The following BTF3 variants were observed in gnomAD, a reference collection of about 807,000 sequenced individuals.
BTF3 encodes basic transcription factor 3.
In BTF3, 12 loss-of-function variants were observed where a neutral mutation model predicts 23.9. The ratio of observed to expected loss-of-function variants is 0.50; its 90% CI spans 0.32 to 0.81. The LOEUF is 0.81. Ranked by LOEUF, BTF3 falls within the 40% of genes least tolerant of loss-of-function variation. The pLI, the probability that BTF3 is intolerant of heterozygous loss-of-function variation, is 0.03. For synonymous variants in BTF3, 96 were observed against 94.8 expected (o/e 1.01, Z -0.07); for missense variants, 215 against 255.9 (o/e 0.84, Z 1.09).
chr5:73,498,903 G>A, intron 1 of BTF3, 104 bp downstream of exon 1: 1 of 1,453,588 alleles, frequency 6.9e-7, no homozygotes, highest in Non-Finnish European at 9.1e-7. Flanking sequence ...GTGGGGTAGA[G>A]CCTTTCATCC....
intron 5 of BTF3, 65 bp from the exon 6 acceptor site, chr5:73,505,127 T>G: frequency 7.5e-7 from 1 of 1,325,384 alleles, no homozygotes; most frequent in Non-Finnish European, 1.1e-6. Context: ...CATCCCCTTT[T>G]AATATCTGAT....
Position 73,505,325 on chromosome 5 carries a change from T to C in BTF3, c.*87T>C, listed in dbSNP as rs1746531314. 8.2e-7 allele frequency: 1 copy of C among 1,218,782 alleles called. No individual in the cohort carries two copies. Among genetic ancestry groups the C allele is most frequent in the Non-Finnish European group, 1.2e-6 (1 of 856,516 alleles). The allele number at this position is 1,218,782 out of a possible 1,614,324, so 75.5% of individuals were successfully genotyped here. ...TGACTGCTTTTTAAGAAATTTTTGT[T>C]TATGGATCTGATAAAATCTAGATCT... On this transcript the variant is annotated 3_prime_UTR_variant, in exon 6 of 6. Coordinates refer to ENST00000380591, the MANE Select transcript of BTF3 (RefSeq NM_001037637.2).
rs1262684176 is a variant in BTF3 at position 73,505,166 on chromosome 5, A to C, written c.575-26A>C. On this transcript the variant is annotated intron_variant, in intron 5 of 5. Transcript: ENST00000380591. ...TATTTGTAGATTTGGCTTTTTTAAGAATTTCTACTCTTTTCCTTTTCCTAG... is the reference window on the plus strand; with the variant it reads ...TATTTGTAGATTTGGCTTTTTTAAGCATTTCTACTCTTTTCCTTTTCCTAG... 1.9e-6 allele frequency: 3 copies of C among 1,599,694 alleles called. No individual in the cohort carries two copies. In the Admixed American group the frequency reaches 5.2e-5, roughly 28 times the overall value.
At position 73,503,078 on chromosome 5, in the gene BTF3, A is replaced by T; in HGVS notation, c.478A>T (p.Thr160Ser). The change falls in exon 4 of 6, where the codon ACT becomes TCT. Residue 160 changes from threonine (T) to serine (S), a missense_variant. Physicochemically the swap from Thr to Ser is moderately conservative, Grantham distance 58. Transcript: ENST00000380591. ...ILNQLGADSLTSLRRLAEALP... is the reference protein window; with the variant it reads ...ILNQLGADSLSSLRRLAEALP... ...AAACCAGCTTGGTGCGGATAGTCTG[A>T]CTAGTTTAAGGAGACTGGCCGAAGC... 1 of 1,614,064 alleles carries T rather than the reference A, an allele frequency of 6.2e-7. No individual in the cohort carries two copies. The highest frequency in any genetic ancestry group is 2.2e-5 in the East Asian group (1 of 44,880).
Position 73,505,544 on chromosome 5 carries a change from A to G in BTF3, c.*306A>G, listed in dbSNP as rs1002499828. The G allele has an allele frequency of 2.7e-5, 5 of 185,064 alleles. No homozygotes were observed. Among genetic ancestry groups the G allele is most frequent in the African/African-American group, 9.4e-5 (4 of 42,444 alleles). 11.5% of individuals were successfully genotyped at this position (185,064 alleles called of 1,614,324 possible). A position where few individuals can be genotyped will look rare whatever the true frequency, so the allele number is the denominator to read the frequency against. ...TTGACACCGATCTGTACACAGTAAA[A>G]AAAATTGCTTATAGAAAGCTAATCA... On this transcript the variant is annotated 3_prime_UTR_variant, in exon 6 of 6. Coordinates refer to ENST00000380591, the MANE Select transcript of BTF3 (RefSeq NM_001037637.2).
intron 1 of BTF3, 144 bp downstream of exon 1, chr5:73,498,943 G>T (rs1254236977): frequency 4.5e-6 from 6 of 1,334,168 alleles, no homozygotes; most frequent in Middle Eastern, 2.7e-4. Context: ...AGCTGTGGGG[G>T]AGTGGTGGGG....
At chr5:73,502,391 T>A in intron 2 of BTF3, 97 bp from the exon 3 acceptor site, 1 of 883,962 alleles carries the variant, frequency 1.1e-6, no homozygotes, top group South Asian at 1.9e-5. Flanking sequence ...CTTATACAGA[T>A]CCAAAGGTCA....
In BTF3 at chr5:73,498,631, G is replaced by C. The variant is rs1210768450; in HGVS notation, c.-37G>C. The C allele has an allele frequency of 6.8e-7, 1 of 1,461,392 alleles. No individual in the cohort carries two copies. Among genetic ancestry groups the C allele is most frequent in the Non-Finnish European group, 9.0e-7 (1 of 1,116,110 alleles). The allele number at this position is 1,461,392 out of a possible 1,614,324, so 90.5% of individuals were successfully genotyped here. A position where few individuals can be genotyped will look rare whatever the true frequency, so the allele number is the denominator to read the frequency against. On this transcript the variant is annotated 5_prime_UTR_variant, in exon 1 of 6. Coordinates refer to ENST00000380591, the MANE Select transcript of BTF3 (RefSeq NM_001037637.2). ...GGCGGGAAGTTCCCTGAAGGAGCGA[G>C]ACAGGGAGGGACAGGGCAGAGGAGG...
chr5:73,498,716 C>A lies in BTF3; in HGVS notation c.49C>A (p.Arg17=), dbSNP rs370228487. ...TCAGGCTGACTCTCGGGGGCGAGGTCGAGCCAGGGGCGGCTGCCCTGGGGG... is the reference window on the plus strand; with the variant it reads ...TCAGGCTGACTCTCGGGGGCGAGGTAGAGCCAGGGGCGGCTGCCCTGGGGG... ...PAQADSRGRG[R]ARGGCPGGEA... Residue 17 remains arginine (R), a synonymous_variant, in exon 1 of 6, where the codon CGA becomes AGA. Coordinates refer to ENST00000380591, the MANE Select transcript of BTF3 (RefSeq NM_001037637.2). 9 of 1,487,118 alleles carry A rather than the reference C, an allele frequency of 6.1e-6. No homozygotes were observed. In the Middle Eastern group the frequency reaches 9.4e-4, roughly 156 times the overall value. The allele number at this position is 1,487,118 out of a possible 1,614,324, so 92.1% of individuals were successfully genotyped here.
At chr5:73,503,453 T>C (rs766186289) in intron 4 of BTF3, among the ~76,000 whole-genome samples, 1 of 152,238 alleles carries the variant, frequency 6.6e-6, no homozygotes, top group Non-Finnish European at 1.5e-5. Flanking sequence ...GTGTAAATTA[T>C]GAAATTACTT....
At chr5:73,498,875 G>A (rs142006356) in intron 1 of BTF3, 76 bp downstream of exon 1, 31 of 1,480,788 alleles carry the variant, frequency 2.1e-5, no homozygotes, top group African/African-American at 4.3e-5. Flanking sequence ...GGCCAGGGGT[G>A]GGGGGTGCTG....
rs182313178 is a variant in BTF3 at position 73,504,968 on chromosome 5, T to G, written c.575-224T>G. 587 of 450,350 alleles carry G rather than the reference T, an allele frequency of 1.3e-3. 2 individuals are homozygous for G. The highest frequency in any genetic ancestry group is 0.012 in the African/African-American group (520 of 44,910). The allele number at this position is 450,350 out of a possible 1,614,324, so 27.9% of individuals were successfully genotyped here. On this transcript the variant is annotated intron_variant, in intron 5 of 5. Coordinates refer to ENST00000380591, the MANE Select transcript of BTF3 (RefSeq NM_001037637.2). The stretch of plus-strand genomic sequence containing the variant: ...GGAAAATTTTAACATTGTGTGTCAT[T>G]GTATTCTTTGGTTCTGCTCCCCCAC...
In BTF3 at chr5:73,505,538, A is replaced by C. The variant is rs1746536876; in HGVS notation, c.*300A>C. 1 of 191,592 alleles carries C rather than the reference A, an allele frequency of 5.2e-6. No homozygotes were observed. The highest frequency in any genetic ancestry group is 2.3e-5 in the African/African-American group (1 of 42,612). 11.9% of individuals were successfully genotyped at this position (191,592 alleles called of 1,614,324 possible). ...ATTTCATTGACACCGATCTGTACAC[A>C]GTAAAAAAAATTGCTTATAGAAAGC... is the stretch of plus-strand genomic sequence containing the variant. On this transcript the variant is annotated 3_prime_UTR_variant, in exon 6 of 6. Coordinates refer to ENST00000380591, the MANE Select transcript of BTF3 (RefSeq NM_001037637.2).
chr5:73,502,274 A>G (rs930895913), intron 2 of BTF3, among the ~76,000 whole-genome samples: 2 of 152,124 alleles, frequency 1.3e-5, no homozygotes, highest in Non-Finnish European at 2.9e-5. Context: ...GAGCAAATGT[A>G]AAAAGTAGAA....
rs1206706751 is a variant in BTF3 at position 73,499,879 on chromosome 5, TAAG to T, written c.201+681_201+683del. Reference sequence around the variant, plus strand: ...GATTTTTAGATTGTCCTGTAATTAATAAGAAGTCCACTGTAGACAGAGGTCTAC... The same window carrying T: ...GATTTTTAGATTGTCCTGTAATTAATAAGTCCACTGTAGACAGAGGTCTAC... On this transcript the variant is annotated intron_variant, in intron 2 of 5. Transcript: ENST00000380591. 5.3e-5 allele frequency among the ~76,000 whole-genome samples: 8 copies of T among 152,334 alleles called. No individual in the cohort carries two copies. The South Asian group carries it at 1.2e-3, about 24-fold the overall frequency.
chr5:73,502,347 G>A, intron 2 of BTF3, 141 bp from the exon 3 acceptor site: 1 of 528,266 alleles, frequency 1.9e-6, no homozygotes, highest in Non-Finnish European at 3.2e-6. Context: ...TAGCCTGCCT[G>A]CTCACTGCAT....
chr5:73,498,852 G>GAGGCC lies in BTF3; in HGVS notation c.132+62_132+66dup, dbSNP rs768751845. ...GGGCCGGGCAGGCCCTGGCTAGGCCGAGGCCAGGCCAGGGCCAGGGGTGGG... is the reference window on the plus strand; with the variant it reads ...GGGCCGGGCAGGCCCTGGCTAGGCCGAGGCCAGGCCAGGCCAGGGCCAGGGGTGGG... On this transcript the variant is annotated intron_variant, in intron 1 of 5. Transcript: ENST00000380591. 1,084 of 1,494,980 alleles carry GAGGCC rather than the reference G, an allele frequency of 7.3e-4. 1 individual carries two copies. Among genetic ancestry groups the GAGGCC allele is most frequent in the South Asian group, 1.3e-3 (100 of 78,814 alleles). The allele number at this position is 1,494,980 out of a possible 1,614,324, so 92.6% of individuals were successfully genotyped here. A position where few individuals can be genotyped will look rare whatever the true frequency, so the allele number is the denominator to read the frequency against.
chr5:73,500,985 T>C (rs1386324105), intron 2 of BTF3, among the ~76,000 whole-genome samples: 1 of 152,072 alleles, frequency 6.6e-6, no homozygotes, highest in Non-Finnish European at 1.5e-5. Flanking sequence ...ACAAGATTTA[T>C]TTAAGCCTTT....
intron 5 of BTF3, chr5:73,504,857 G>A (rs919079861): frequency 2.7e-5 from 6 of 223,672 alleles, no homozygotes; most frequent in Non-Finnish European, 4.3e-5. Flanking sequence ...ATAAATTTAC[G>A]TTCTTCTAAA....
Sources: gnomAD v4.1 joint callset for allele counts (sites outside exome capture counted in the v4.1 genomes callset) on GRCh38, gnomAD v4.1.1 for gene constraint, MANE v1.5 for transcripts, NCBI Gene and HGNC (gene_info 2026-07-23, HGNC 2026-07-21) for gene names.